Variants in KDM4A observed in about 807,000 individuals in gnomAD.
The protein encoded by KDM4A is lysine-specific demethylase 4A.
In KDM4A, 23 loss-of-function variants were observed where a neutral mutation model predicts 127.1. The observed-to-expected ratio is 0.18, with a 90% CI of 0.13 to 0.26. The LOEUF (loss-of-function observed/expected upper bound fraction) is 0.26, where lower values mean the gene tolerates loss of function less well. Ranked by LOEUF, KDM4A falls within the 10% of genes least tolerant of loss-of-function variation. The probability of loss-of-function intolerance (pLI) is 1.00; values close to 1 mark genes in which losing one functional copy is unlikely to be tolerated. For missense variants in KDM4A, 890 were observed against 1,329.1 expected (o/e 0.67, Z 5.14); for synonymous variants, 443 against 466.5 (o/e 0.95, Z 0.65).
At chr1:43,703,375 C>T in intron 19 of KDM4A, 1 of 376,648 alleles carries the variant, frequency 2.7e-6, no homozygotes. Flanking sequence ...CCTGTGTTTA[C>T]TAAGTTTGTT....
intron 3 of KDM4A, among the ~76,000 whole-genome samples, chr1:43,657,569 C>G (rs927950537): frequency 6.6e-6 from 1 of 152,006 alleles, no homozygotes; most frequent in African/African-American, 2.4e-5. Context: ...TACATAAAGG[C>G]ATGTTGAAGA....
chr1:43,659,367 G>A (rs959752770), intron 3 of KDM4A, among the ~76,000 whole-genome samples: 1 of 152,166 alleles, frequency 6.6e-6, no homozygotes, highest in Non-Finnish European at 1.5e-5. Context: ...CTGGAGTGCA[G>A]TGGCGTTAGT....
intron 4 of KDM4A, among the ~76,000 whole-genome samples, chr1:43,661,031 A>G (rs1373548635): frequency 5.9e-5 from 9 of 151,430 alleles, no homozygotes; most frequent in Non-Finnish European, 1.2e-4. Context: ...CTGGAGTGCA[A>G]TGGCGCGATC....
chr1:43,697,964 A>C lies in KDM4A; in HGVS notation c.2792A>C (p.Asn931Thr), dbSNP rs1475433723. 9 of 1,613,858 alleles carry C rather than the reference A, an allele frequency of 5.6e-6. No individual in the cohort carries two copies. Among genetic ancestry groups the C allele is most frequent in the African/African-American group, 1.3e-5 (1 of 74,854 alleles). The change falls in exon 19 of 22, where the codon AAC (asparagine) becomes ACC (threonine). Residue 931 changes from asparagine (N) to threonine (T), a missense_variant. Asn to Thr is a moderately conservative substitution (Grantham distance 65). Coordinates refer to ENST00000372396, the MANE Select transcript of KDM4A (RefSeq NM_014663.3). ...RLTTETFYEV[N>T]FDDGSFSDNL... ...ACCACCGAGACCTTCTATGAAGTCAACTTTGATGATGGCTCCTTCAGCGAC... is the reference window on the plus strand; with the variant it reads ...ACCACCGAGACCTTCTATGAAGTCACCTTTGATGATGGCTCCTTCAGCGAC...
At chr1:43,671,031 G>A (rs191956591) in intron 10 of KDM4A, among the ~76,000 whole-genome samples, 1 of 152,340 alleles carries the variant, frequency 6.6e-6, no homozygotes, top group African/African-American at 2.4e-5. Flanking sequence ...GTATATATAA[G>A]TTGTGGAATG....
At position 43,671,556 on chromosome 1, in the gene KDM4A, TAGAAG is replaced by T; in HGVS notation, c.1418_1422del (p.Glu473GlyfsTer3). ...TTTGAAGAGCTTAAAAATGTCAAAC[TAGAAG>T]AGGAGGATGAGGAGGAAGAACAAGC... On this transcript the variant is annotated frameshift_variant, in exon 11 of 22. Coordinates refer to ENST00000372396, the MANE Select transcript of KDM4A (RefSeq NM_014663.3). LOFTEE classifies it high-confidence loss of function. 6.3e-7 allele frequency: 1 copy of T among 1,598,124 alleles called. No individual in the cohort carries two copies. Among genetic ancestry groups the T allele is most frequent in the Non-Finnish European group, 8.5e-7 (1 of 1,173,832 alleles).
At chr1:43,670,045 T>A (rs1229756345) in intron 10 of KDM4A, among the ~76,000 whole-genome samples, 3 of 152,226 alleles carry the variant, frequency 2.0e-5, no homozygotes, top group African/African-American at 4.8e-5. Flanking sequence ...GGCAGCTGTG[T>A]GACCAGAAGG....
At chr1:43,657,750 C>CTT (rs140666245) in intron 3 of KDM4A, among the ~76,000 whole-genome samples, 2,610 of 116,386 alleles carry the variant, frequency 0.022, 125 homozygotes, top group African/African-American at 0.093. Context: ...TTTTTCTTTT[C>CTT]TTTTTTTTTT....
intron 11 of KDM4A, among the ~76,000 whole-genome samples, chr1:43,682,296 C>T (rs569674567): frequency 6.6e-6 from 1 of 152,312 alleles, no homozygotes; most frequent in South Asian, 2.1e-4. Context: ...AAAAGCAGAG[C>T]CATTCTGGTT....
chr1:43,680,601 T>C (rs549493358), intron 11 of KDM4A, among the ~76,000 whole-genome samples: 5 of 152,230 alleles, frequency 3.3e-5, no homozygotes, highest in Non-Finnish European at 7.3e-5. Context: ...GCTGTGTACC[T>C]TCCTGGAGGC....
intron 8 of KDM4A, 97 bp from the exon 9 acceptor site, chr1:43,667,675 G>A: frequency 6.7e-7 from 1 of 1,494,008 alleles, no homozygotes; most frequent in Non-Finnish European, 9.2e-7. Flanking sequence ...AAACCATCTT[G>A]CACTTGTTTC....
Position 43,691,555 on chromosome 1 carries a change from G to A in KDM4A, c.2302G>A (p.Ala768Thr). Residue 768 changes from alanine to threonine, a missense_variant, in exon 15 of 22, where the codon GCC becomes ACC. Ala to Thr is a moderately conservative substitution (Grantham distance 58). Coordinates refer to ENST00000372396, the MANE Select transcript of KDM4A (RefSeq NM_014663.3). ...AGACTGGATGTGTTCTCGGTGTTCAGCCAATGCCCTAGAGGAGGTGAGTGA... is the reference window on the plus strand; with the variant it reads ...AGACTGGATGTGTTCTCGGTGTTCAACCAATGCCCTAGAGGAGGTGAGTGA... ...SEDWMCSRCSANALEEDCCLC... is the reference protein window; with the variant it reads ...SEDWMCSRCSTNALEEDCCLC... The A allele has an allele frequency of 2.5e-6, 4 of 1,613,936 alleles. No individual in the cohort carries two copies. The highest frequency in any genetic ancestry group is 3.4e-6 in the Non-Finnish European group (4 of 1,179,966).
chr1:43,687,512 A>G (rs1292680541), intron 12 of KDM4A, among the ~76,000 whole-genome samples: 1 of 152,210 alleles, frequency 6.6e-6, no homozygotes, highest in African/African-American at 2.4e-5. Flanking sequence ...GTCTCCTGTC[A>G]GGGGCCGCAT....
At chr1:43,674,418 A>G (rs1660693371) in intron 11 of KDM4A, among the ~76,000 whole-genome samples, 1 of 152,184 alleles carries the variant, frequency 6.6e-6, no homozygotes, top group African/African-American at 2.4e-5. Flanking sequence ...AATTGATGAT[A>G]CAAGAGTCAG....
chr1:43,698,962 A>T (rs1434679646), intron 19 of KDM4A, among the ~76,000 whole-genome samples: 1 of 151,654 alleles, frequency 6.6e-6, no homozygotes, highest in Non-Finnish European at 1.5e-5. Flanking sequence ...CTAATTTTTT[A>T]ATTTTTTGTA....
At chr1:43,677,235 C>T (rs1197185546) in intron 11 of KDM4A, among the ~76,000 whole-genome samples, 2 of 151,534 alleles carry the variant, frequency 1.3e-5, no homozygotes, top group African/African-American at 4.9e-5. Flanking sequence ...ATCCCAGCTA[C>T]TCAGGAGGCT....
chr1:43,653,330 G>C lies in KDM4A; in HGVS notation c.138+17G>C. On this transcript the variant is annotated intron_variant, in intron 2 of 21. Transcript: ENST00000372396. ...CTAGCCAAGGTAAGGAGCTGGGATT[G>C]TTCAAATGGTTTTGTTACCTAGGGC... 1 of 1,601,416 alleles carries C rather than the reference G, an allele frequency of 6.2e-7. No individual in the cohort carries two copies. Among genetic ancestry groups the C allele is most frequent in the Non-Finnish European group, 8.5e-7 (1 of 1,174,848 alleles).
intron 7 of KDM4A, 134 bp from the exon 8 acceptor site, chr1:43,666,820 T>TAG: frequency 1.2e-6 from 1 of 847,168 alleles, no homozygotes; most frequent in Non-Finnish European, 1.9e-6. Flanking sequence ...TTGCATTTTA[T>TAG]AGAAGACAGC....
At chr1:43,685,178 G>A (rs1445776982) in intron 12 of KDM4A, among the ~76,000 whole-genome samples, 2 of 152,160 alleles carry the variant, frequency 1.3e-5, no homozygotes, top group African/African-American at 4.8e-5. Flanking sequence ...AGGCAGAGAA[G>A]CAGGGTAAGC....
Sources: allele counts gnomAD v4.1 joint callset (sites outside exome capture counted in the v4.1 genomes callset), GRCh38; gene constraint gnomAD v4.1.1; transcripts MANE v1.5; gene names NCBI Gene and HGNC (gene_info 2026-07-23, HGNC 2026-07-21).